Variants in ESR1 observed in about 807,000 individuals in gnomAD.
ESR1 encodes estrogen receptor.
In ESR1, 12 loss-of-function variants were observed where a neutral mutation model predicts 52.7. The ratio of observed to expected loss-of-function variants is 0.23; its 90% confidence interval spans 0.15 to 0.37. The LOEUF (loss-of-function observed/expected upper bound fraction) is 0.37, where lower values mean the gene tolerates loss of function less well. ESR1 is among the 10% of genes least tolerant of loss of function. The probability of loss-of-function intolerance (pLI) is 1.00; values close to 1 mark genes in which losing one functional copy is unlikely to be tolerated. For missense variants in ESR1, 584 were observed against 779.7 expected, an observed-to-expected ratio of 0.75 and a Z score of 2.99; for synonymous variants, 305 against 316.8, an observed-to-expected ratio of 0.96 and a Z score of 0.39.
In ESR1 at chr6:152,036,314, C is replaced by T. The variant is rs537279067; in HGVS notation, c.1235+24520C>T. ...GGCGGAGCTTGCAGTGAGCTGAAATCGTGCCACTGCACTCCAGCCTGGGCA... is the reference window on the plus strand; with the variant it reads ...GGCGGAGCTTGCAGTGAGCTGAAATTGTGCCACTGCACTCCAGCCTGGGCA... On this transcript the variant is annotated intron_variant, in intron 5 of 7. Transcript: ENST00000206249. Among the ~76,000 whole-genome samples the T allele has an allele frequency of 5.9e-5, 9 of 152,182 alleles. No homozygotes were observed. In the East Asian group the frequency reaches 9.7e-4, roughly 16 times the overall value.
chr6:151,759,793 C>A (rs1255171085), intron 2 of ESR1, among the ~76,000 whole-genome samples: 1 of 152,164 alleles, frequency 6.6e-6, no homozygotes, highest in Non-Finnish European at 1.5e-5. Context: ...AAGGAACAGA[C>A]CTTCCTCAGG....
chr6:151,810,326 A>G (rs941679018), intron 1 of ESR1, among the ~76,000 whole-genome samples: 9 of 152,164 alleles, frequency 5.9e-5, no homozygotes, highest in African/African-American at 2.2e-4. Flanking sequence ...GTGGAAATTC[A>G]GTTTTAGAAT....
At chr6:151,706,500 G>T (rs1780195222) in intron 2 of ESR1, among the ~76,000 whole-genome samples, 1 of 152,186 alleles carries the variant, frequency 6.6e-6, no homozygotes, top group Non-Finnish European at 1.5e-5. Context: ...GCAGGAGAGA[G>T]GTGGGAGGGA....
chr6:152,031,142 T>C (rs1562697175), intron 5 of ESR1, among the ~76,000 whole-genome samples: 1 of 152,212 alleles, frequency 6.6e-6, no homozygotes. Context: ...CAAAGCAGTG[T>C]GTAGAGGGAA....
rs556497843 is a variant in ESR1 at position 151,986,921 on chromosome 6, G to C, written c.1097-24735G>C. Among the ~76,000 whole-genome samples, 3 of 151,626 alleles carry C rather than the reference G, an allele frequency of 2.0e-5. No individual in the cohort carries two copies. The East Asian group carries it at 5.8e-4, about 29-fold the overall frequency. On this transcript the variant is annotated intron_variant, in intron 4 of 7. Transcript: ENST00000206249. ...TGTGAGCATGTGTGTGTGTGTGTGT[G>C]CACGCGAGCACGTGTGTGTGTGTGC...
chr6:151,708,229 TAAA>T (rs1364810512), intron 2 of ESR1, among the ~76,000 whole-genome samples: 5 of 152,188 alleles, frequency 3.3e-5, no homozygotes, highest in Non-Finnish European at 5.9e-5. Flanking sequence ...CAATATGTCT[TAAA>T]GATTCTGATA....
At chr6:152,048,109 G>A (rs891125566) in intron 5 of ESR1, among the ~76,000 whole-genome samples, 1 of 151,876 alleles carries the variant, frequency 6.6e-6, no homozygotes, top group South Asian at 2.1e-4. Context: ...GGTGGCTCAC[G>A]CCTGTAATCC....
At chr6:151,899,568 C>T (rs539789285) in intron 3 of ESR1, among the ~76,000 whole-genome samples, 9 of 147,452 alleles carry the variant, frequency 6.1e-5, no homozygotes, top group South Asian at 4.3e-4. Context: ...GCTGGCCGGG[C>T]GGGGAGCTGA....
At chr6:151,975,617 C>T (rs2039369335) in intron 4 of ESR1, among the ~76,000 whole-genome samples, 1 of 152,206 alleles carries the variant, frequency 6.6e-6, no homozygotes, top group Non-Finnish European at 1.5e-5. Context: ...TTGGGGAAAC[C>T]TCAGTCTTTG....
At chr6:151,846,793 G>A (rs558897609) in intron 2 of ESR1, among the ~76,000 whole-genome samples, 10 of 152,306 alleles carry the variant, frequency 6.6e-5, no homozygotes, top group African/African-American at 1.9e-4. Context: ...GATATTTTAT[G>A]AGTTTATTAA....
upstream of ESR1, among the ~76,000 whole-genome samples, chr6:151,689,370 G>A (rs1011914296): frequency 1.4e-4 from 21 of 152,284 alleles, no homozygotes; most frequent in African/African-American, 4.3e-4. Context: ...ATTATTCCTT[G>A]TGTAAGTGAA....
rs9340826 is a variant in ESR1 at position 151,860,997 on chromosome 6, T to C, written c.643+18210T>C. The stretch of plus-strand genomic sequence containing the variant: ...CAGTTTCTTAGCAATCTTTGATTGC[T>C]ACATTGCCCTTTTTTGTGTTTTTAA... On this transcript the variant is annotated intron_variant, in intron 2 of 7. Coordinates refer to ENST00000206249, the MANE Select transcript of ESR1 (RefSeq NM_000125.4). Among the ~76,000 whole-genome samples, 22 of 152,358 alleles carry C rather than the reference T, an allele frequency of 1.4e-4. 1 individual carries two copies. In the South Asian group the frequency reaches 4.3e-3, roughly 30 times the overall value.
At chr6:151,901,257 C>G (rs917039854) in intron 3 of ESR1, among the ~76,000 whole-genome samples, 1 of 152,160 alleles carries the variant, frequency 6.6e-6, no homozygotes, top group African/African-American at 2.4e-5. Context: ...CACCCAGCTC[C>G]CTTGCAACCC....
At chr6:151,826,034 T>C (rs1252836145) in intron 1 of ESR1, among the ~76,000 whole-genome samples, 6 of 151,982 alleles carry the variant, frequency 3.9e-5, no homozygotes, top group Non-Finnish European at 8.8e-5. Context: ...TTTGCCCCAG[T>C]TGGACATGAG....
chr6:152,067,905 A>G (rs151158001), intron 6 of ESR1, among the ~76,000 whole-genome samples: 1 of 152,328 alleles, frequency 6.6e-6, no homozygotes, highest in East Asian at 1.9e-4. Flanking sequence ...TAGTATGCCA[A>G]TGTTGCTTAA....
chr6:151,837,712 A>G (rs79575945), intron 1 of ESR1, among the ~76,000 whole-genome samples: 11,771 of 152,264 alleles, frequency 0.077, 554 homozygotes, highest in Non-Finnish European at 0.093. Flanking sequence ...TAATGTCTTA[A>G]TGTGTAGCTT....
At chr6:152,004,336 G>A (rs1759841459) in intron 4 of ESR1, among the ~76,000 whole-genome samples, 1 of 151,956 alleles carries the variant, frequency 6.6e-6, no homozygotes, top group Non-Finnish European at 1.5e-5. Context: ...TACTTGGGTT[G>A]GAGTTGAAAA....
intron 2 of ESR1, among the ~76,000 whole-genome samples, chr6:151,850,007 ATTTTG>A (rs1432844298): frequency 1.2e-4 from 9 of 76,368 alleles, no homozygotes; most frequent in African/African-American, 4.7e-4. Flanking sequence ...TATATATATA[ATTTTG>A]TATATATATA....
upstream of ESR1, among the ~76,000 whole-genome samples, chr6:151,802,126 A>G (rs1777310760): frequency 6.6e-6 from 1 of 152,232 alleles, no homozygotes; most frequent in African/African-American, 2.4e-5. Flanking sequence ...TATGCTTTAG[A>G]TACATGTATT....
Sources: gnomAD v4.1 joint callset for allele counts (sites outside exome capture counted in the v4.1 genomes callset) on GRCh38, gnomAD v4.1.1 for gene constraint, MANE v1.5 for transcripts, NCBI Gene and HGNC (gene_info 2026-07-23, HGNC 2026-07-21) for gene names.